Variants in LDB2 observed in about 807,000 individuals in gnomAD.
The protein encoded by LDB2 is LIM domain binding 2.
In LDB2, 12 loss-of-function variants were observed where a neutral mutation model predicts 44.3. The ratio of observed to expected loss-of-function variants is 0.27; its 90% CI spans 0.17 to 0.44. The LOEUF (loss-of-function observed/expected upper bound fraction) is 0.44, where lower values mean the gene tolerates loss of function less well. Ranked by LOEUF, LDB2 falls within the 20% of genes least tolerant of loss-of-function variation. The probability of loss-of-function intolerance (pLI) is 1.00; values close to 1 mark genes in which losing one functional copy is unlikely to be tolerated. For missense variants in LDB2, 344 were observed against 473.5 expected (o/e 0.73, Z 2.54); for synonymous variants, 164 against 174.8 (o/e 0.94, Z 0.49).
At chr4:16,519,904 G>A (rs1162024067) in intron 5 of LDB2, among the ~76,000 whole-genome samples, 5 of 151,996 alleles carry the variant, frequency 3.3e-5, no homozygotes. Flanking sequence ...GCCCCACTGA[G>A]CCAGGCGCTC....
At chr4:16,841,744 A>G (rs1244921704) in intron 1 of LDB2, among the ~76,000 whole-genome samples, 3 of 152,190 alleles carry the variant, frequency 2.0e-5, no homozygotes, top group African/African-American at 4.8e-5. Context: ...TAAATTTTAC[A>G]TTTACCTTGG....
intron 1 of LDB2, among the ~76,000 whole-genome samples, chr4:16,847,788 T>TTGTAG (rs1787373871): frequency 6.6e-6 from 1 of 152,188 alleles, no homozygotes. Context: ...AGCTAATTTT[T>TTGTAG]TGTATTTTTT....
chr4:16,662,248 C>T (rs1741799877), intron 2 of LDB2, among the ~76,000 whole-genome samples: 1 of 152,124 alleles, frequency 6.6e-6, no homozygotes. Context: ...TCCTACCTTG[C>T]CCTGGGAATT....
At chr4:16,812,197 C>T (rs207690) in intron 1 of LDB2, among the ~76,000 whole-genome samples, 127,759 of 152,108 alleles carry the variant, frequency 0.84, 54,409 homozygotes, top group Middle Eastern at 0.95. Flanking sequence ...GTCAGAGATG[C>T]AGCTTCTTAA....
chr4:16,608,848 C>T (rs1724726034), intron 2 of LDB2, among the ~76,000 whole-genome samples: 1 of 152,164 alleles, frequency 6.6e-6, no homozygotes, highest in Non-Finnish European at 1.5e-5. Context: ...CCACACGAGT[C>T]AGGAGCAGGG....
At chr4:16,793,411 T>A (rs896064712) in intron 1 of LDB2, among the ~76,000 whole-genome samples, 1 of 152,140 alleles carries the variant, frequency 6.6e-6, no homozygotes, top group Admixed American at 6.5e-5. Flanking sequence ...TAATTATACT[T>A]AAAGGTTTGG....
chr4:16,862,246 ATT>A (rs112121810), intron 1 of LDB2, among the ~76,000 whole-genome samples: 4 of 147,072 alleles, frequency 2.7e-5, no homozygotes, highest in African/African-American at 7.5e-5. Context: ...ATTTTTTTCA[ATT>A]TTTTTTTTTT....
intron 2 of LDB2, among the ~76,000 whole-genome samples, chr4:16,620,398 A>G: frequency 6.6e-6 from 1 of 152,234 alleles, no homozygotes; most frequent in East Asian, 1.9e-4. Flanking sequence ...TTAGATGCTT[A>G]GATGTGGGAA....
In LDB2 at chr4:16,694,308, G is replaced by T. The variant is rs1751574788; in HGVS notation, c.235+64850C>A. 3.3e-5 allele frequency among the ~76,000 whole-genome samples: 5 copies of T among 152,272 alleles called. No individual in the cohort carries two copies. The South Asian group carries it at 1.0e-3, about 32-fold the overall frequency. On this transcript the variant is annotated intron_variant, in intron 2 of 7. Transcript: ENST00000304523. ...CGCATTCACACTTTCCACCAATTTG[G>T]AGAAGAAACTCAGAAGAGAGGCTTT...
At position 16,715,002 on chromosome 4, in the gene LDB2, T is replaced by C. The variant is rs1321170485; in HGVS notation, c.235+44156A>G. ...GGTTAGGACTGGGGTATATCTTTTT[T>C]TGGGGGCACAGTCAACTTATTAACA... On this transcript the variant is annotated intron_variant, in intron 2 of 7. Coordinates refer to ENST00000304523, the MANE Select transcript of LDB2 (RefSeq NM_001290.5). Among the ~76,000 whole-genome samples the C allele has an allele frequency of 5.9e-5, 9 of 152,182 alleles. No individual in the cohort carries two copies. The East Asian group carries it at 1.7e-3, about 29-fold the overall frequency.
chr4:16,634,199 A>C (rs963403832), intron 2 of LDB2, among the ~76,000 whole-genome samples: 3 of 151,758 alleles, frequency 2.0e-5, no homozygotes, highest in Non-Finnish European at 4.4e-5. Context: ...GGACATAGGC[A>C]TGGGCAAAGA....
intron 2 of LDB2, among the ~76,000 whole-genome samples, chr4:16,694,490 T>C (rs896141149): frequency 1.3e-5 from 2 of 152,186 alleles, no homozygotes; most frequent in African/African-American, 2.4e-5. Flanking sequence ...ATGGAGGATG[T>C]TTCTACAAAG....
At chr4:16,706,152 T>C (rs1180629762) in intron 2 of LDB2, among the ~76,000 whole-genome samples, 3 of 152,198 alleles carry the variant, frequency 2.0e-5, no homozygotes, top group African/African-American at 4.8e-5. Context: ...CATTTCGTGC[T>C]AAGCCCCATG....
intron 2 of LDB2, among the ~76,000 whole-genome samples, chr4:16,671,433 G>A (rs1744734250): frequency 6.6e-6 from 1 of 152,060 alleles, no homozygotes; most frequent in Admixed American, 6.6e-5. Flanking sequence ...TGATGTGCAG[G>A]CTACTGTCAC....
chr4:16,563,706 C>A (rs1444840061), intron 5 of LDB2, among the ~76,000 whole-genome samples: 1 of 151,528 alleles, frequency 6.6e-6, no homozygotes, highest in Admixed American at 6.6e-5. Flanking sequence ...GATCTGCCCG[C>A]CTCGGCCTCC....
chr4:16,815,592 AC>A (rs774861808), intron 1 of LDB2, among the ~76,000 whole-genome samples: 35 of 152,256 alleles, frequency 2.3e-4, no homozygotes, highest in Non-Finnish European at 4.6e-4. Flanking sequence ...AGTCTGTCTT[AC>A]AGCCTTTTCC....
intron 1 of LDB2, among the ~76,000 whole-genome samples, chr4:16,860,546 C>A (rs2110255613): frequency 6.6e-6 from 1 of 152,322 alleles, no homozygotes; most frequent in Admixed American, 6.5e-5. Context: ...GGCTACCACC[C>A]ATCATCTCTG....
chr4:16,720,035 T>C (rs1387166070), intron 2 of LDB2, among the ~76,000 whole-genome samples: 1 of 152,100 alleles, frequency 6.6e-6, no homozygotes, highest in African/African-American at 2.4e-5. Flanking sequence ...ACTATTATAA[T>C]CTCTCTTAAG....
chr4:16,545,743 C>G (rs923592342), intron 5 of LDB2, among the ~76,000 whole-genome samples: 1 of 152,166 alleles, frequency 6.6e-6, no homozygotes, highest in Non-Finnish European at 1.5e-5. Flanking sequence ...AATAAAATAG[C>G]TAATGAGAAG....
Sources: allele counts gnomAD v4.1 joint callset (sites outside exome capture counted in the v4.1 genomes callset), GRCh38; gene constraint gnomAD v4.1.1; transcripts MANE v1.5; gene names NCBI Gene and HGNC (gene_info 2026-07-23, HGNC 2026-07-21).